Variants in SGCD observed in about 807,000 individuals in gnomAD.
SGCD encodes the protein delta-sarcoglycan.
In SGCD, 18 loss-of-function variants were observed where a neutral mutation model predicts 36.6. The ratio of observed to expected loss-of-function variants is 0.49; its 90% CI spans 0.34 to 0.73. The LOEUF is 0.73. SGCD is among the 30% of genes least tolerant of loss of function. The pLI, the probability that SGCD is intolerant of heterozygous loss-of-function variation, is 0.01. For synonymous variants in SGCD, 133 were observed against 130.6 expected (o/e 1.02, Z -0.12); for missense variants, 387 against 346.7 (o/e 1.12, Z -0.92).
chr5:156,275,986 C>A (rs59902037), intron 3 of SGCD, among the ~76,000 whole-genome samples: 6,104 of 152,150 alleles, frequency 0.04, 383 homozygotes, highest in African/African-American at 0.13. Context: ...GTGTCAGTTT[C>A]GGGTATTATG....
At chr5:156,672,198 T>G (rs1227163619) in intron 7 of SGCD, among the ~76,000 whole-genome samples, 1 of 152,202 alleles carries the variant, frequency 6.6e-6, no homozygotes, top group Non-Finnish European at 1.5e-5. Context: ...TACATCTGGT[T>G]GTCAATATTG....
intron 1 of SGCD, among the ~76,000 whole-genome samples, chr5:156,054,951 A>G (rs1280299891): frequency 4.1e-5 from 6 of 145,590 alleles, no homozygotes; most frequent in African/African-American, 1.2e-4. Context: ...CAGTCATTCT[A>G]TTTTTTCACT....
At chr5:156,645,810 T>A (rs446261) in intron 6 of SGCD, among the ~76,000 whole-genome samples, 139,485 of 152,200 alleles carry the variant, frequency 0.92, 64,068 homozygotes, top group East Asian at 0.99. Flanking sequence ...TATCCAGTAC[T>A]GTTTCTAGTT....
At position 156,763,715 on chromosome 5, in the gene SGCD, C is replaced by T. The variant is rs925467233; in HGVS notation, c.*4325C>T. On this transcript the variant is annotated 3_prime_UTR_variant, in exon 9 of 9. Transcript: ENST00000337851. ...TCATCCAGGGTTTCATACTCAATAT[C>T]GCTTAAAAAAAAAAAAGTATCAGCT... 3 of 149,868 alleles carry T rather than the reference C, an allele frequency of 2.0e-5. No homozygotes were observed. Among genetic ancestry groups the T allele is most frequent in the East Asian group, 1.9e-4 (1 of 5,144 alleles). 9.3% of individuals were successfully genotyped at this position (149,868 alleles called of 1,614,324 possible). A position where few individuals can be genotyped will look rare whatever the true frequency, so the allele number is the denominator to read the frequency against.
intron 6 of SGCD, among the ~76,000 whole-genome samples, chr5:156,634,423 T>G (rs1479662646): frequency 6.6e-6 from 1 of 151,934 alleles, no homozygotes; most frequent in Non-Finnish European, 1.5e-5. Flanking sequence ...TCCTAGAAAT[T>G]AAAATAAAAC....
chr5:156,242,789 C>T (rs956192640), intron 3 of SGCD, among the ~76,000 whole-genome samples: 3 of 152,248 alleles, frequency 2.0e-5, no homozygotes, highest in African/African-American at 4.8e-5. Flanking sequence ...GGCTGCCCAG[C>T]GTGTGGTGTT....
In SGCD at chr5:156,689,880, GA is replaced by G. The variant is rs1446781753; in HGVS notation, c.575+42347del. 2.6e-5 allele frequency among the ~76,000 whole-genome samples: 4 copies of G among 152,136 alleles called. No individual in the cohort carries two copies. The East Asian group carries it at 7.7e-4, about 29-fold the overall frequency. On this transcript the variant is annotated intron_variant, in intron 7 of 8. Transcript: ENST00000337851. ...ATCCAGAACTATTTGATAAAGACACGAAACACTTGCTGTTATTTATAGCAGC... is the reference window on the plus strand; with the variant it reads ...ATCCAGAACTATTTGATAAAGACACGAACACTTGCTGTTATTTATAGCAGC...
chr5:156,298,352 A>C (rs1766954606), intron 3 of SGCD, among the ~76,000 whole-genome samples: 1 of 152,156 alleles, frequency 6.6e-6, no homozygotes, highest in Non-Finnish European at 1.5e-5. Flanking sequence ...TATTCTTCAG[A>C]GTGGTTGTAC....
At chr5:155,879,797 C>T (rs904982782) in intron 1 of SGCD, among the ~76,000 whole-genome samples, 5 of 152,130 alleles carry the variant, frequency 3.3e-5, no homozygotes, top group Admixed American at 3.3e-4. Flanking sequence ...CTCTCTAAGG[C>T]AGTTTTAACC....
intron 3 of SGCD, among the ~76,000 whole-genome samples, chr5:156,134,242 T>C (rs1322838991): frequency 1.3e-5 from 2 of 152,202 alleles, no homozygotes; most frequent in Admixed American, 1.3e-4. Context: ...TTAGCCTGGA[T>C]TGAAGAGTCA....
intron 3 of SGCD, among the ~76,000 whole-genome samples, chr5:156,190,490 A>G (rs1763863833): frequency 6.6e-6 from 1 of 152,122 alleles, no homozygotes; most frequent in Admixed American, 6.6e-5. Context: ...TGCCCTATGT[A>G]ATTTATTGAC....
At chr5:156,692,153 A>C (rs1041483789) in intron 7 of SGCD, among the ~76,000 whole-genome samples, 2 of 152,226 alleles carry the variant, frequency 1.3e-5, no homozygotes, top group Non-Finnish European at 2.9e-5. Flanking sequence ...CTAAGCATTA[A>C]TCATCTCAAG....
At chr5:155,847,457 G>A in the SGCD span, among the ~76,000 whole-genome samples, 5 of 152,274 alleles carry the variant, frequency 3.3e-5, no homozygotes, top group Middle Eastern at 3.4e-3. Flanking sequence ...TAAAGATGCT[G>A]TAAGTTCTTT....
intron 3 of SGCD, among the ~76,000 whole-genome samples, chr5:156,426,043 T>G (rs933737127): frequency 1.3e-5 from 2 of 152,136 alleles, no homozygotes; most frequent in Non-Finnish European, 2.9e-5. Context: ...GTCTCTTTCA[T>G]GTAATGACTT....
intron 6 of SGCD, among the ~76,000 whole-genome samples, chr5:156,636,682 G>A (rs992666814): frequency 6.6e-6 from 1 of 152,118 alleles, no homozygotes; most frequent in South Asian, 2.1e-4. Flanking sequence ...GTAAGCAAAG[G>A]CAAGGACATG....
At chr5:156,419,087 GT>G (rs1435943039) in intron 3 of SGCD, among the ~76,000 whole-genome samples, 1 of 151,934 alleles carries the variant, frequency 6.6e-6, no homozygotes, top group Non-Finnish European at 1.5e-5. Flanking sequence ...GCTTGGGGAT[GT>G]TTTTTTCAAC....
chr5:156,531,257 G>A (rs1757878045), intron 4 of SGCD, among the ~76,000 whole-genome samples: 1 of 152,160 alleles, frequency 6.6e-6, no homozygotes, highest in Non-Finnish European at 1.5e-5. Flanking sequence ...CCAGACAACT[G>A]AACCTGCTGG....
chr5:156,195,406 C>T (rs894833645), intron 3 of SGCD, among the ~76,000 whole-genome samples: 9 of 152,130 alleles, frequency 5.9e-5, no homozygotes, highest in African/African-American at 1.9e-4. Context: ...GTTTTCACAT[C>T]TAAATGTTAG....
At chr5:156,732,881 A>G (rs1376747868) in intron 7 of SGCD, among the ~76,000 whole-genome samples, 1 of 152,098 alleles carries the variant, frequency 6.6e-6, no homozygotes, top group Non-Finnish European at 1.5e-5. Flanking sequence ...TGTTCATAAT[A>G]TTCTGTGATG....
Sources: gnomAD v4.1 joint callset for allele counts (sites outside exome capture counted in the v4.1 genomes callset) on GRCh38, gnomAD v4.1.1 for gene constraint, MANE v1.5 for transcripts, NCBI Gene and HGNC (gene_info 2026-07-23, HGNC 2026-07-21) for gene names.